The following FAM174A variants were observed in gnomAD, a reference collection of about 807,000 sequenced individuals.
FAM174A encodes the protein membrane protein FAM174A.
In FAM174A, 14 loss-of-function variants were observed where a neutral mutation model predicts 14.3. The observed-to-expected ratio is 0.98, with a 90% CI of 0.65 to 1.53. FAM174A has a LOEUF of 1.53. Among genes scored for constraint, FAM174A ranks in the 40% most tolerant of loss-of-function variants. FAM174A has a pLI of 0.00. For missense variants in FAM174A, 241 were observed against 249.6 expected, an observed-to-expected ratio of 0.97 and a Z score of 0.23; for synonymous variants, 108 against 111.4, an observed-to-expected ratio of 0.97 and a Z score of 0.19.
At chr5:100,581,412 G>A (rs1308203733) in intron 2 of FAM174A, 2 of 982,652 alleles carry the variant, frequency 2.0e-6, no homozygotes, top group Admixed American at 6.2e-5. Context: ...TGAGTAGGTG[G>A]CAATTGAGTT....
chr5:100,556,913 G>T (rs1014371850), intron 1 of FAM174A, among the ~76,000 whole-genome samples: 1 of 151,886 alleles, frequency 6.6e-6, no homozygotes, highest in African/African-American at 2.4e-5. Flanking sequence ...CTTCCTCTTT[G>T]CCTAATTGAA....
intron 2 of FAM174A, among the ~76,000 whole-genome samples, chr5:100,565,224 T>C (rs1466227400): frequency 6.6e-6 from 1 of 151,698 alleles, no homozygotes; most frequent in African/African-American, 2.4e-5. Context: ...ATCAATGCAA[T>C]AGAACACATT....
chr5:100,559,438 G>A (rs892177509), intron 1 of FAM174A, among the ~76,000 whole-genome samples: 58 of 151,976 alleles, frequency 3.8e-4, no homozygotes, highest in African/African-American at 1.4e-3. Flanking sequence ...TTCTCGAGGA[G>A]TATCTTTGTG....
intron 2 of FAM174A, among the ~76,000 whole-genome samples, chr5:100,568,216 G>C (rs909436445): frequency 6.6e-6 from 1 of 151,854 alleles, no homozygotes; most frequent in Admixed American, 6.6e-5. Context: ...TGTTGTCCCA[G>C]ATGTGGTCAG....
At chr5:100,549,143 G>A (rs1746215672) in intron 1 of FAM174A, among the ~76,000 whole-genome samples, 1 of 152,068 alleles carries the variant, frequency 6.6e-6, no homozygotes, top group Admixed American at 6.6e-5. Context: ...GGAATAAAAG[G>A]AGATTATAGG....
At chr5:100,547,321 T>C (rs1486612757) in intron 1 of FAM174A, among the ~76,000 whole-genome samples, 1 of 152,106 alleles carries the variant, frequency 6.6e-6, no homozygotes, top group Non-Finnish European at 1.5e-5. Flanking sequence ...GTTTTAACAA[T>C]GTAGATTTCC....
chr5:100,572,887 A>T (rs1487403667), intron 2 of FAM174A, among the ~76,000 whole-genome samples: 1 of 152,010 alleles, frequency 6.6e-6, no homozygotes, highest in South Asian at 2.1e-4. Flanking sequence ...AAGTGTTCCT[A>T]TTTCTCCACA....
intron 2 of FAM174A, among the ~76,000 whole-genome samples, chr5:100,564,916 T>C (rs1746608506): frequency 6.6e-6 from 1 of 151,942 alleles, no homozygotes; most frequent in Non-Finnish European, 1.5e-5. Flanking sequence ...CAAGACCATA[T>C]GGCTTCATGG....
intron 1 of FAM174A, among the ~76,000 whole-genome samples, chr5:100,542,364 A>G (rs893762598): frequency 2.0e-5 from 3 of 152,234 alleles, no homozygotes; most frequent in Admixed American, 1.3e-4. Context: ...CATCATCTAC[A>G]CAGTTTCTCA....
chr5:100,552,372 G>T (rs1746281433), intron 1 of FAM174A, among the ~76,000 whole-genome samples: 1 of 151,972 alleles, frequency 6.6e-6, no homozygotes, highest in Non-Finnish European at 1.5e-5. Flanking sequence ...ATGGGGGAGT[G>T]TGTATATGTG....
chr5:100,541,812 A>T (rs1363151779), intron 1 of FAM174A, among the ~76,000 whole-genome samples: 1 of 152,056 alleles, frequency 6.6e-6, no homozygotes, highest in Non-Finnish European at 1.5e-5. Context: ...TAATAAGCAC[A>T]TTGTCTCAGT....
In FAM174A at chr5:100,571,969, T is replaced by C. The variant is rs145812665; in HGVS notation, c.569+9781T>C. ...CAAATTCAAGTCTGCCATCAAAGAA[T>C]ATCAGGAAACATATAACTGTTGCAG... On this transcript the variant is annotated intron_variant, in intron 2 of 2. Coordinates refer to ENST00000312637, the MANE Select transcript of FAM174A (RefSeq NM_198507.3). Among the ~76,000 whole-genome samples, 68 of 151,980 alleles carry C rather than the reference T, an allele frequency of 4.5e-4. 1 individual carries two copies. The East Asian group carries it at 8.5e-3, about 19-fold the overall frequency.
intron 1 of FAM174A, among the ~76,000 whole-genome samples, chr5:100,537,694 T>C (rs1378639737): frequency 6.6e-6 from 1 of 152,194 alleles, no homozygotes; most frequent in Non-Finnish European, 1.5e-5. Flanking sequence ...ACTGAGACTT[T>C]CTTCTTAATA....
At chr5:100,578,825 T>G (rs1202144083) in intron 2 of FAM174A, among the ~76,000 whole-genome samples, 1 of 152,232 alleles carries the variant, frequency 6.6e-6, no homozygotes, top group Non-Finnish European at 1.5e-5. Flanking sequence ...TGCATACCTA[T>G]TTCAATATTT....
chr5:100,559,636 T>G (rs1746481387), intron 1 of FAM174A, among the ~76,000 whole-genome samples: 1 of 152,110 alleles, frequency 6.6e-6, no homozygotes, highest in African/African-American at 2.4e-5. Flanking sequence ...TCTTGGAGGC[T>G]TTGTTCGTTT....
chr5:100,562,235 T>C, intron 2 of FAM174A, 47 bp downstream of exon 2: 1 of 1,524,778 alleles, frequency 6.6e-7, no homozygotes, highest in African/African-American at 1.4e-5. Context: ...AGCAAGTCCT[T>C]GCCAAGTAAA....
intron 2 of FAM174A, among the ~76,000 whole-genome samples, chr5:100,562,586 G>A (rs1746551646): frequency 2.0e-5 from 3 of 151,508 alleles, no homozygotes; most frequent in Non-Finnish European, 4.4e-5. Flanking sequence ...TTGGGTGTGT[G>A]TGTGCATGTG....
chr5:100,566,828 T>C (rs369872382), intron 2 of FAM174A, among the ~76,000 whole-genome samples: 1 of 151,864 alleles, frequency 6.6e-6, no homozygotes, highest in Admixed American at 6.6e-5. Context: ...CTATAGACCA[T>C]AAAAAGTCAT....
intron 2 of FAM174A, among the ~76,000 whole-genome samples, chr5:100,567,857 C>T (rs997327883): frequency 6.6e-6 from 1 of 151,814 alleles, no homozygotes; most frequent in Non-Finnish European, 1.5e-5. Context: ...TTTTTATGCA[C>T]CTGTTTAAGG....
Sources: allele counts gnomAD v4.1 joint callset (sites outside exome capture counted in the v4.1 genomes callset), GRCh38; gene constraint gnomAD v4.1.1; transcripts MANE v1.5; gene names NCBI Gene and HGNC (gene_info 2026-07-23, HGNC 2026-07-21).